The following SSH2 variants were observed in gnomAD, a reference collection of about 807,000 sequenced individuals.
SSH2 encodes the protein protein phosphatase Slingshot homolog 2.
A neutral mutation model predicts 135.2 loss-of-function variants in SSH2; 37 were observed. That is an observed-to-expected ratio of 0.27 (90% CI 0.21 to 0.36). The LOEUF is 0.36. Among genes scored for constraint, SSH2 ranks in the 10% least tolerant of loss-of-function variants. The pLI is 1.00. For synonymous variants in SSH2, 628 were observed against 646.2 expected (o/e 0.97, Z 0.43); for missense variants, 1,408 against 1,765.3 (o/e 0.80, Z 3.63).
intron 2 of SSH2, among the ~76,000 whole-genome samples, chr17:29,797,535 T>C (rs374122683): frequency 6.6e-6 from 1 of 152,198 alleles, no homozygotes; most frequent in Non-Finnish European, 1.5e-5. Flanking sequence ...CACATGAATA[T>C]ACGAGTTCAT....
intron 9 of SSH2, among the ~76,000 whole-genome samples, chr17:29,670,180 C>T (rs144750437): frequency 1.4e-4 from 21 of 152,278 alleles, no homozygotes; most frequent in African/African-American, 4.6e-4. Context: ...CCACCCACCA[C>T]GCCCGACTGT....
intron 3 of SSH2, among the ~76,000 whole-genome samples, chr17:29,728,723 A>G (rs986006859): frequency 6.6e-6 from 1 of 152,184 alleles, no homozygotes; most frequent in Non-Finnish European, 1.5e-5. Context: ...GGGATATAAC[A>G]CAGAATCCAG....
chr17:29,818,572 A>G (rs1323838217), intron 2 of SSH2, among the ~76,000 whole-genome samples: 1 of 152,048 alleles, frequency 6.6e-6, no homozygotes, highest in Non-Finnish European at 1.5e-5. Context: ...TTAAATCTAG[A>G]TCTGCCCCCT....
At chr17:29,798,343 A>G (rs2042193733) in intron 2 of SSH2, among the ~76,000 whole-genome samples, 1 of 151,482 alleles carries the variant, frequency 6.6e-6, no homozygotes, top group Non-Finnish European at 1.5e-5. Context: ...AGTTTTAGTA[A>G]AGGTGGGATT....
At chr17:29,811,358 C>T (rs959062043) in intron 2 of SSH2, among the ~76,000 whole-genome samples, 8 of 151,724 alleles carry the variant, frequency 5.3e-5, no homozygotes, top group Admixed American at 2.6e-4. Context: ...TGGTTATTGC[C>T]GGCAATATAC....
intron 2 of SSH2, among the ~76,000 whole-genome samples, chr17:29,821,478 G>C (rs1423190486): frequency 3.3e-5 from 5 of 149,990 alleles, no homozygotes; most frequent in African/African-American, 1.3e-4. Context: ...GAACAAGCGA[G>C]TTATTGGAGC....
chr17:29,732,562 T>C (rs2040231359), intron 3 of SSH2, among the ~76,000 whole-genome samples: 3 of 152,184 alleles, frequency 2.0e-5, no homozygotes, highest in African/African-American at 7.2e-5. Flanking sequence ...ACAAAAAGTG[T>C]TCCTATTTCG....
At chr17:29,724,506 C>G (rs568949672) in intron 3 of SSH2, among the ~76,000 whole-genome samples, 7 of 78,006 alleles carry the variant, frequency 9.0e-5, no homozygotes, top group Admixed American at 5.9e-4. Flanking sequence ...CCAGCCTGGG[C>G]AACAAGAGCA....
Position 29,626,951 on chromosome 17 carries a change from C to T in SSH2, c.*3890G>A, listed in dbSNP as rs1220427336. ...AAATGACACTAGCCATTCACCATTA[C>T]AACCATCACTATAAGACACACCATC... On this transcript the variant is annotated 3_prime_UTR_variant, in exon 16 of 16. Transcript: ENST00000540801. 1 of 152,266 alleles carries T rather than the reference C, an allele frequency of 6.6e-6. No individual in the cohort carries two copies. Among genetic ancestry groups the T allele is most frequent in the Admixed American group, 6.5e-5 (1 of 15,290 alleles). The allele number at this position is 152,266 out of a possible 1,614,324, so 9.4% of individuals were successfully genotyped here. A position where few individuals can be genotyped will look rare whatever the true frequency, so the allele number is the denominator to read the frequency against.
intron 1 of SSH2, among the ~76,000 whole-genome samples, chr17:29,892,515 G>C (rs2066369139): frequency 6.6e-6 from 1 of 152,166 alleles, no homozygotes; most frequent in African/African-American, 2.4e-5. Flanking sequence ...CTGTGACAAT[G>C]AAGAGGAAGA....
chr17:29,884,829 CTA>C (rs1432604898), intron 1 of SSH2, among the ~76,000 whole-genome samples: 2 of 152,238 alleles, frequency 1.3e-5, no homozygotes, highest in Non-Finnish European at 1.5e-5. Context: ...TAGTTTGAGT[CTA>C]TGTTAGTTCC....
At chr17:29,647,217 G>T (rs1245233806) in intron 14 of SSH2, among the ~76,000 whole-genome samples, 1 of 150,922 alleles carries the variant, frequency 6.6e-6, no homozygotes, top group Non-Finnish European at 1.5e-5. Context: ...AGCCGAGATC[G>T]CGCCACTGCA....
At chr17:29,910,033 C>T (rs895297652) in intron 1 of SSH2, among the ~76,000 whole-genome samples, 1 of 152,206 alleles carries the variant, frequency 6.6e-6, no homozygotes, top group Non-Finnish European at 1.5e-5. Flanking sequence ...GCAGCCTCAA[C>T]CTCTTGGACT....
At chr17:29,769,855 A>T (rs978656098) in intron 3 of SSH2, among the ~76,000 whole-genome samples, 1 of 152,180 alleles carries the variant, frequency 6.6e-6, no homozygotes, top group Non-Finnish European at 1.5e-5. Context: ...CATGCTGATT[A>T]TCAAAATGAA....
intron 6 of SSH2, among the ~76,000 whole-genome samples, chr17:29,678,362 G>A (rs1297380479): frequency 3.3e-5 from 5 of 151,558 alleles, no homozygotes; most frequent in East Asian, 2.0e-4. Flanking sequence ...CTGGGATTAC[G>A]GGCATGAGCC....
intron 1 of SSH2, among the ~76,000 whole-genome samples, chr17:29,884,132 G>T (rs2066189959): frequency 6.6e-6 from 1 of 151,988 alleles, no homozygotes; most frequent in African/African-American, 2.4e-5. Context: ...CAATTTGTTT[G>T]ATCAATTTTC....
chr17:29,634,716 C>A (rs549288171), intron 15 of SSH2, among the ~76,000 whole-genome samples: 1 of 152,018 alleles, frequency 6.6e-6, no homozygotes, highest in African/African-American at 2.4e-5. Context: ...CCACGCCCAG[C>A]TCATTTTTGT....
chr17:29,821,646 C>T (rs2042652214), intron 2 of SSH2, among the ~76,000 whole-genome samples: 1 of 147,870 alleles, frequency 6.8e-6, no homozygotes, highest in African/African-American at 2.6e-5. Flanking sequence ...ATAACCAAGT[C>T]TATTTTTTTT....
chr17:29,927,915 T>G (rs2067096411), intron 1 of SSH2, among the ~76,000 whole-genome samples: 1 of 152,226 alleles, frequency 6.6e-6, no homozygotes. Flanking sequence ...ATTACCTATG[T>G]CAAAAGTGAC....
Sources: gnomAD v4.1 joint callset for allele counts (sites outside exome capture counted in the v4.1 genomes callset) on GRCh38, gnomAD v4.1.1 for gene constraint, MANE v1.5 for transcripts, NCBI Gene and HGNC (gene_info 2026-07-23, HGNC 2026-07-21) for gene names.